Variants in FGF18 observed in about 807,000 individuals in gnomAD.
The protein encoded by FGF18 is fibroblast growth factor 18.
FGF18 carries 5 observed loss-of-function variants against 23.0 expected under a neutral mutation model. That is an observed-to-expected ratio of 0.22 (90% CI 0.11 to 0.46). FGF18 has a LOEUF of 0.46. Among genes scored for constraint, FGF18 ranks in the 20% least tolerant of loss-of-function variants. The probability of loss-of-function intolerance (pLI) is 0.99; values close to 1 mark genes in which losing one functional copy is unlikely to be tolerated. For missense variants in FGF18, 180 were observed against 291.6 expected (o/e 0.62, Z 2.79); for synonymous variants, 117 against 118.9 (o/e 0.98, Z 0.10).
rs537996517 is a variant in FGF18, at chr5:171,455,902, A to G, written c.358-637A>G. On this transcript the variant is annotated intron_variant, in intron 4 of 4. Transcript: ENST00000274625. ...GGAAGGAATAGATTTCTGAATGACA[A>G]TGGGAGTCTGTTACCTAATTGGAGG... 1.1e-4 allele frequency among the ~76,000 whole-genome samples: 17 copies of G among 152,280 alleles called. 1 individual carries two copies. In the South Asian group the frequency reaches 2.9e-3, roughly 26 times the overall value.
Position 171,427,534 on chromosome 5 carries a change from C to T in FGF18, c.69+7091C>T, listed in dbSNP as rs55930332. Among the ~76,000 whole-genome samples, 1,257 of 152,322 alleles carry T rather than the reference C, an allele frequency of 8.3e-3. 20 individuals carry two copies. Among genetic ancestry groups the T allele is most frequent in the African/African-American group, 0.027 (1,136 of 41,560 alleles). On this transcript the variant is annotated intron_variant, in intron 2 of 4. Coordinates refer to ENST00000274625, the MANE Select transcript of FGF18 (RefSeq NM_003862.3). ...GCCTTGGGCGAGGCCCTTAACCTCT[C>T]TGAGTCTCCACTTCCTCCCCATGGG...
At chr5:171,427,206 G>GA (rs569204143) in intron 2 of FGF18, among the ~76,000 whole-genome samples, 1,533 of 130,996 alleles carry the variant, frequency 0.012, 16 homozygotes, top group African/African-American at 0.032. Context: ...CTCCATCTGG[G>GA]AAAAAAAAAA....
At chr5:171,449,318 C>T in intron 4 of FGF18, 65 bp downstream of exon 4, 2 of 1,068,030 alleles carry the variant, frequency 1.9e-6, no homozygotes, top group Non-Finnish European at 2.9e-6. Flanking sequence ...GGAGCTGGAA[C>T]AATGTGTCCA....
In FGF18 at chr5:171,451,681, T is replaced by TTGCTATGG. The variant is rs779040514; in HGVS notation, c.357+2429_357+2436dup. 2.7e-5 allele frequency among the ~76,000 whole-genome samples: 4 copies of TTGCTATGG among 150,880 alleles called. No individual in the cohort carries two copies. Among genetic ancestry groups the TTGCTATGG allele is most frequent in the African/African-American group, 4.9e-5 (2 of 41,212 alleles). ...AAACCCATCCATGGGTCCTCCCACC[T>TTGCTATGG]TGCTATGGGACACCGAAGGCCCTGG... On this transcript the variant is annotated intron_variant, in intron 4 of 4. Transcript: ENST00000274625. This position sits in a 1 kb window ranked among gnomAD's most constrained non-coding sequence, Gnocchi z 4.5.
At chr5:171,448,093 A>AC (rs1181304309) in intron 3 of FGF18, among the ~76,000 whole-genome samples, 2 of 152,028 alleles carry the variant, frequency 1.3e-5, no homozygotes, top group Non-Finnish European at 2.9e-5. Flanking sequence ...AGATTTGGAC[A>AC]CAGCATACCT....
intron 3 of FGF18, among the ~76,000 whole-genome samples, chr5:171,446,344 G>C (rs1009783910): frequency 6.6e-6 from 1 of 152,132 alleles, no homozygotes; most frequent in Admixed American, 6.5e-5. Flanking sequence ...GGGTTGTGCT[G>C]GGAGGCCTGT....
At chr5:171,455,127 G>A (rs1772563358) in intron 4 of FGF18, among the ~76,000 whole-genome samples, 1 of 152,224 alleles carries the variant, frequency 6.6e-6, no homozygotes, top group Admixed American at 6.5e-5. Flanking sequence ...ACTGGCCTGA[G>A]GTTACACAAG....
chr5:171,420,353 C>A, intron 1 of FGF18, 54 bp from the exon 2 acceptor site: 9 of 1,608,370 alleles, frequency 5.6e-6, no homozygotes, highest in Non-Finnish European at 7.7e-6. Context: ...TCTGTCTGTC[C>A]GTGCGCCCCC....
Position 171,420,440 on chromosome 5 carries a change from A to T in FGF18, c.66A>T (p.Val22=). ...CLHFLLLCFQ[V]QVLVAEENVD... is the part of the protein sequence containing the mutation. ...ACTTCCTGCTGCTGTGCTTCCAGGTACAGGTACGTGGGCTCCTGACTTTGA... is the reference window on the plus strand; with the variant it reads ...ACTTCCTGCTGCTGTGCTTCCAGGTTCAGGTACGTGGGCTCCTGACTTTGA... Residue 22 remains valine, a synonymous_variant, in exon 2 of 5, where the codon GTA becomes GTT. Transcript: ENST00000274625. The T allele has an allele frequency of 6.2e-7, 1 of 1,613,276 alleles. No individual in the cohort carries two copies. Among genetic ancestry groups the T allele is most frequent in the Non-Finnish European group, 8.5e-7 (1 of 1,179,730 alleles).
In FGF18 at chr5:171,440,862, G is replaced by A. The variant is rs534029461; in HGVS notation, c.250+4589G>A. ...TGTGCTTGCCCTTGTCCCAACAAGG[G>A]TCCTGCTGCGGTGGAACCATCTGTT... On this transcript the variant is annotated intron_variant, in intron 3 of 4. Coordinates refer to ENST00000274625, the MANE Select transcript of FGF18 (RefSeq NM_003862.3). The surrounding 1 kb of genome is among the most constrained non-coding windows in gnomAD (Gnocchi z 4.0). 2.6e-5 allele frequency among the ~76,000 whole-genome samples: 4 copies of A among 152,330 alleles called. No homozygotes were observed. The highest frequency in any genetic ancestry group is 7.2e-5 in the African/African-American group (3 of 41,580).
chr5:171,432,603 T>A (rs1373905094), intron 2 of FGF18, among the ~76,000 whole-genome samples: 1 of 152,042 alleles, frequency 6.6e-6, no homozygotes, highest in African/African-American at 2.4e-5. Context: ...GAGACAGGGT[T>A]TCAGTATGTT....
intron 2 of FGF18, among the ~76,000 whole-genome samples, chr5:171,425,937 C>T (rs1428987232): frequency 1.3e-5 from 2 of 152,148 alleles, no homozygotes; most frequent in South Asian, 2.1e-4. Flanking sequence ...AAGTAACCTG[C>T]GTTTGGTCAC....
chr5:171,442,841 C>CA (rs1401090661), intron 3 of FGF18, among the ~76,000 whole-genome samples: 9 of 152,324 alleles, frequency 5.9e-5, no homozygotes, highest in Admixed American at 5.9e-4. Context: ...TGGGATTAGT[C>CA]AACCAATCAA....
chr5:171,429,667 C>A (rs1258185084), intron 2 of FGF18, among the ~76,000 whole-genome samples: 3 of 152,236 alleles, frequency 2.0e-5, no homozygotes, highest in Non-Finnish European at 4.4e-5. Flanking sequence ...CCTCCTGGGA[C>A]CAGGGAGACC....
rs1170743614 is a variant in FGF18, at chr5:171,419,954, C to T, written c.-246C>T. ...GGCGCCTCCTGCACAGCGGCTGCCG[C>T]CCCGCAGCCCCTGCGCCAGCCCGGA... On this transcript the variant is annotated 5_prime_UTR_variant, in exon 1 of 5. Transcript: ENST00000274625. 1 of 166,400 alleles carries T rather than the reference C, an allele frequency of 6.0e-6. No homozygotes were observed. The highest frequency in any genetic ancestry group is 1.3e-5 in the Non-Finnish European group (1 of 78,026). The allele number at this position is 166,400 out of a possible 1,614,324, so 10.3% of individuals were successfully genotyped here.
At chr5:171,449,408 A>AGAGAGAGAGAGACAG (rs1175146548) in intron 4 of FGF18, among the ~76,000 whole-genome samples, 155 bp downstream of exon 4, 36 of 75,032 alleles carry the variant, frequency 4.8e-4, no homozygotes, top group East Asian at 1.7e-3. Flanking sequence ...TGTGAGAGAG[A>AGAGAGAGAGAGACAG]GAGAGAGAGA....
At chr5:171,420,258 A>G (rs1180018000) in intron 1 of FGF18, 27 bp downstream of exon 1, 9 of 1,594,620 alleles carry the variant, frequency 5.6e-6, no homozygotes, top group Non-Finnish European at 6.8e-6. Flanking sequence ...GGGGCTGCCC[A>G]CCTTGCCTGG....
At chr5:171,429,758 G>T (rs1195244213) in intron 2 of FGF18, among the ~76,000 whole-genome samples, 5 of 152,224 alleles carry the variant, frequency 3.3e-5, no homozygotes, top group African/African-American at 1.2e-4. Flanking sequence ...GGCCTGGGCG[G>T]GAGAGGCCGT....
chr5:171,429,029 G>A (rs558847600), intron 2 of FGF18, among the ~76,000 whole-genome samples: 31 of 152,330 alleles, frequency 2.0e-4, no homozygotes, highest in African/African-American at 7.2e-4. Flanking sequence ...TGGACAGTCT[G>A]GGGGGTGGGG....
Sources: allele counts gnomAD v4.1 joint callset (sites outside exome capture counted in the v4.1 genomes callset), GRCh38; gene constraint gnomAD v4.1.1; non-coding constraint Gnocchi (gnomAD v3.1); transcripts MANE v1.5; gene names NCBI Gene and HGNC (gene_info 2026-07-23, HGNC 2026-07-21).